Variants in NOL4 observed in about 807,000 individuals in gnomAD.
The protein encoded by NOL4 is cancer/testis antigen 125.
Under a neutral mutation model 75.9 loss-of-function variants are expected in NOL4, and 17 were observed. The observed-to-expected ratio is 0.22, with a 90% CI of 0.15 to 0.34. The LOEUF is 0.34. Among genes scored for constraint, NOL4 ranks in the 10% least tolerant of loss-of-function variants. The pLI is 1.00. For synonymous variants in NOL4, 292 were observed against 289.9 expected, an observed-to-expected ratio of 1.01 and a Z score of -0.07; for missense variants, 614 against 793.5, an observed-to-expected ratio of 0.77 and a Z score of 2.72.
Position 34,024,192 on chromosome 18 carries a change from A to ATATATATATATATATATATATATAT in NOL4, c.773-4592_773-4591insATATATATATATATATATATATATA, listed in dbSNP as rs1215950663. On this transcript the variant is annotated intron_variant, in intron 5 of 10. Coordinates refer to ENST00000261592, the MANE Select transcript of NOL4 (RefSeq NM_003787.5). ...GGCAAAATAAACAGGAAAAAAAAAA[A>ATATATATATATATATATATATATAT]AAATATATATATATATATATATAAA... is the stretch of plus-strand genomic sequence containing the variant. Among the ~76,000 whole-genome samples the ATATATATATATATATATATATATAT allele has an allele frequency of 2.2e-4, 17 of 76,154 alleles. No homozygotes were observed. In the East Asian group the frequency reaches 2.5e-3, roughly 11 times the overall value. 50.0% of individuals were successfully genotyped at this position (76,154 alleles called of 152,430 possible). A position where few individuals can be genotyped will look rare whatever the true frequency, so the allele number is the denominator to read the frequency against.
chr18:33,962,342 C>T (rs1428199849), intron 6 of NOL4, among the ~76,000 whole-genome samples: 1 of 152,186 alleles, frequency 6.6e-6, no homozygotes, highest in African/African-American at 2.4e-5. Flanking sequence ...AGATTTCACA[C>T]ATGATCATTC....
Position 33,951,007 on chromosome 18 carries a change from A to G in NOL4, c.1428+6319T>C, listed in dbSNP as rs1265661187. ...GCTATTATTTCCATTTTTCTTTTCC[A>G]GGGTGAGACCAAAGCTCAGAGATAG... On this transcript the variant is annotated intron_variant, in intron 8 of 10. Transcript: ENST00000261592. Among the ~76,000 whole-genome samples the G allele has an allele frequency of 2.0e-5, 3 of 152,230 alleles. No individual in the cohort carries two copies. In the East Asian group the frequency reaches 5.8e-4, roughly 29 times the overall value.
intron 6 of NOL4, among the ~76,000 whole-genome samples, chr18:33,987,182 T>C (rs2072528377): frequency 6.6e-6 from 1 of 152,100 alleles, no homozygotes; most frequent in Admixed American, 6.6e-5. Context: ...TTTTGTTGTA[T>C]ATAAAGTATA....
chr18:33,858,915 C>T (rs2062962195), intron 10 of NOL4, among the ~76,000 whole-genome samples: 1 of 151,966 alleles, frequency 6.6e-6, no homozygotes, highest in Non-Finnish European at 1.5e-5. Flanking sequence ...TTTTGTAAAA[C>T]ATGGTCTAAT....
intron 3 of NOL4, among the ~76,000 whole-genome samples, chr18:34,104,772 T>C (rs2079192143): frequency 6.6e-6 from 1 of 152,018 alleles, no homozygotes; most frequent in South Asian, 2.1e-4. Context: ...GCTGAATATA[T>C]CTAAAATAGC....
At chr18:33,902,918 G>GT (rs146106463) in intron 9 of NOL4, among the ~76,000 whole-genome samples, 3,422 of 152,160 alleles carry the variant, frequency 0.022, 110 homozygotes, top group African/African-American at 0.077. Flanking sequence ...TGCTTTTAAA[G>GT]TTTTTGATTA....
At chr18:34,173,000 A>G (rs76587015) in intron 1 of NOL4, among the ~76,000 whole-genome samples, 3,273 of 152,128 alleles carry the variant, frequency 0.022, 52 homozygotes, top group Non-Finnish European at 0.034. Context: ...GCAAACAGCT[A>G]TTCAGTTTGA....
chr18:34,054,731 A>G (rs979073866), intron 5 of NOL4, among the ~76,000 whole-genome samples: 5 of 151,762 alleles, frequency 3.3e-5, no homozygotes, highest in Admixed American at 6.6e-5. Flanking sequence ...GGAAGGAGAT[A>G]CTATTGCCAT....
chr18:34,105,378 A>G (rs532526024), intron 2 of NOL4, among the ~76,000 whole-genome samples: 9 of 151,976 alleles, frequency 5.9e-5, no homozygotes, highest in Non-Finnish European at 1.3e-4. Flanking sequence ...TGGAGACAAA[A>G]ATCAACCACA....
intron 1 of NOL4, among the ~76,000 whole-genome samples, chr18:34,187,315 T>A (rs1314405194): frequency 6.6e-6 from 1 of 151,902 alleles, no homozygotes; most frequent in Non-Finnish European, 1.5e-5. Flanking sequence ...TTTTTTCACT[T>A]AGTAATTTGC....
intron 4 of NOL4, among the ~76,000 whole-genome samples, chr18:34,095,961 TG>T (rs1466409683): frequency 7.1e-6 from 1 of 140,290 alleles, no homozygotes; most frequent in Non-Finnish European, 1.6e-5. Context: ...TATATGTATA[TG>T]AGGATATGTA....
At chr18:33,999,315 A>T (rs1414027686) in intron 6 of NOL4, among the ~76,000 whole-genome samples, 1 of 151,780 alleles carries the variant, frequency 6.6e-6, no homozygotes, top group Non-Finnish European at 1.5e-5. Context: ...ACCTGGCTAG[A>T]TAATGCTAAT....
intron 1 of NOL4, among the ~76,000 whole-genome samples, chr18:34,197,699 G>A (rs1420651070): frequency 1.3e-5 from 2 of 150,932 alleles, no homozygotes; most frequent in Non-Finnish European, 3.0e-5. Context: ...TTAATTCGGT[G>A]GAGAGGGTGG....
chr18:34,163,898 G>A (rs1021537759), intron 1 of NOL4, among the ~76,000 whole-genome samples: 1 of 152,106 alleles, frequency 6.6e-6, no homozygotes, highest in Admixed American at 6.5e-5. Context: ...CAGAGATATA[G>A]ATCAATGGAA....
chr18:33,963,396 A>C (rs918917445), intron 6 of NOL4, among the ~76,000 whole-genome samples: 16 of 152,322 alleles, frequency 1.1e-4, no homozygotes, highest in Admixed American at 5.9e-4. Flanking sequence ...CAGGGAATAC[A>C]AGTTACTATA....
chr18:34,094,320 G>A (rs1568333278), intron 4 of NOL4, among the ~76,000 whole-genome samples: 1 of 152,094 alleles, frequency 6.6e-6, no homozygotes, highest in Non-Finnish European at 1.5e-5. Flanking sequence ...TATATATTAG[G>A]TTCAAAGTCC....
chr18:34,060,437 G>A (rs1029827296), intron 5 of NOL4, among the ~76,000 whole-genome samples: 2 of 152,020 alleles, frequency 1.3e-5, no homozygotes, highest in African/African-American at 2.4e-5. Context: ...CAACCACATG[G>A]CCTAACTTCC....
chr18:33,886,377 A>T (rs2144730893), intron 9 of NOL4, among the ~76,000 whole-genome samples: 1 of 151,832 alleles, frequency 6.6e-6, no homozygotes, highest in African/African-American at 2.4e-5. Flanking sequence ...AAAATACAAA[A>T]ATTAGCTGGG....
At chr18:34,074,424 A>G (rs1289683275) in intron 5 of NOL4, among the ~76,000 whole-genome samples, 1 of 151,906 alleles carries the variant, frequency 6.6e-6, no homozygotes, top group Admixed American at 6.6e-5. Flanking sequence ...TGTAATAAAC[A>G]CAAACAAAAA....
Sources: gnomAD v4.1 joint callset for allele counts (sites outside exome capture counted in the v4.1 genomes callset) on GRCh38, gnomAD v4.1.1 for gene constraint, MANE v1.5 for transcripts, NCBI Gene and HGNC (gene_info 2026-07-23, HGNC 2026-07-21) for gene names.